The following MACROD1 variants were observed in gnomAD, a reference collection of about 807,000 sequenced individuals.
MACROD1 encodes ADP-ribose glycohydrolase MACROD1.
A neutral mutation model predicts 41.4 loss-of-function variants in MACROD1; 31 were observed. The observed-to-expected ratio is 0.75, with a 90% CI of 0.56 to 1.01. The LOEUF (loss-of-function observed/expected upper bound fraction) is 1.01, where lower values mean the gene tolerates loss of function less well. Among genes scored for constraint, MACROD1 ranks in the 50% least tolerant of loss-of-function variants. The probability of loss-of-function intolerance (pLI) is 0.00; values close to 1 mark genes in which losing one functional copy is unlikely to be tolerated. For missense variants in MACROD1, 473 were observed against 460.0 expected (o/e 1.03, Z -0.26); for synonymous variants, 252 against 203.4 (o/e 1.24, Z -2.03).
intron 3 of MACROD1, among the ~76,000 whole-genome samples, chr11:64,099,649 T>C (rs1481886885): frequency 6.7e-6 from 1 of 149,612 alleles, no homozygotes; most frequent in African/African-American, 2.5e-5. Context: ...GATAGGAGGA[T>C]GGATGGAGAG....
chr11:64,059,117 C>T (rs368610923), intron 3 of MACROD1, among the ~76,000 whole-genome samples: 28 of 152,290 alleles, frequency 1.8e-4, no homozygotes, highest in Middle Eastern at 3.4e-3. Flanking sequence ...GCTGAAAGGA[C>T]GGAACAGCCC....
intron 4 of MACROD1, chr11:64,001,152 C>A: frequency 2.1e-6 from 1 of 471,770 alleles, no homozygotes; most frequent in Non-Finnish European, 3.8e-6. Context: ...AGGAAACGCT[C>A]CAGCAGCCCA....
At position 64,113,417 on chromosome 11, in the gene MACROD1, C is replaced by CATGGATGG. The variant is rs71045732; in HGVS notation, c.517+37814_517+37821dup. On this transcript the variant is annotated intron_variant, in intron 3 of 10. Transcript: ENST00000255681. ...GCATGTGTGAATGGACAGGTTGATGCATGGATGGATGGATGGATGGATGGA... is the reference window on the plus strand; with the variant it reads ...GCATGTGTGAATGGACAGGTTGATGCATGGATGGATGGATGGATGGATGGATGGATGGA... Among the ~76,000 whole-genome samples, 784 of 144,804 alleles carry CATGGATGG rather than the reference C, an allele frequency of 5.4e-3. 3 individuals carry two copies. Among genetic ancestry groups the CATGGATGG allele is most frequent in the Middle Eastern group, 0.011 (3 of 270 alleles). The allele number at this position is 144,804 out of a possible 152,430, so 95.0% of individuals were successfully genotyped here.
chr11:64,000,684 G>C (rs1942809847), intron 4 of MACROD1, among the ~76,000 whole-genome samples: 1 of 130,054 alleles, frequency 7.7e-6, no homozygotes, highest in Admixed American at 7.6e-5. Context: ...AGGAACCGCC[G>C]CCCGAGCCGG....
chr11:64,082,858 G>A lies in MACROD1; in HGVS notation c.518-67577C>T, dbSNP rs577709216. ...CCACAGGGCACCAGACACCGAGGTA[G>A]GCAGGGCTGTGCCTGCTCCAGCCCA... On this transcript the variant is annotated intron_variant, in intron 3 of 10. Coordinates refer to ENST00000255681, the MANE Select transcript of MACROD1 (RefSeq NM_014067.4). This position sits in a 1 kb window ranked among gnomAD's most constrained non-coding sequence, Gnocchi z 4.5. 4 of 152,552 alleles carry A rather than the reference G, an allele frequency of 2.6e-5. No homozygotes were observed. The South Asian group carries it at 6.2e-4, about 24-fold the overall frequency. 9.4% of individuals were successfully genotyped at this position (152,552 alleles called of 1,614,324 possible).
At chr11:64,153,954 GC>G (rs1269605792) in intron 1 of MACROD1, among the ~76,000 whole-genome samples, 20 of 151,640 alleles carry the variant, frequency 1.3e-4, no homozygotes, top group Non-Finnish European at 2.9e-4. Context: ...CCCTGCAGCT[GC>G]CCCCTCCTCT....
At chr11:64,039,453 G>A (rs1943444588) in intron 3 of MACROD1, among the ~76,000 whole-genome samples, 1 of 152,208 alleles carries the variant, frequency 6.6e-6, no homozygotes, top group Admixed American at 6.5e-5. Context: ...GTGTTGTTCT[G>A]CCGGAGACAA....
Position 64,090,348 on chromosome 11 carries a change from A to G in MACROD1, c.517+60891T>C, listed in dbSNP as rs1362445687. On this transcript the variant is annotated intron_variant, in intron 3 of 10. Coordinates refer to ENST00000255681, the MANE Select transcript of MACROD1 (RefSeq NM_014067.4). This position sits in a 1 kb window ranked among gnomAD's most constrained non-coding sequence, Gnocchi z 4.7. ...ATCGTCTCGTTTCTTAGTGGGTAGG[A>G]AAGCCACAAATAAGTAAACTCAGGC... Among the ~76,000 whole-genome samples, 1 of 152,224 alleles carries G rather than the reference A, an allele frequency of 6.6e-6. No homozygotes were observed. Among genetic ancestry groups the G allele is most frequent in the Non-Finnish European group, 1.5e-5 (1 of 68,038 alleles).
intron 3 of MACROD1, among the ~76,000 whole-genome samples, chr11:64,051,632 G>C (rs1156612644): frequency 6.6e-6 from 1 of 152,220 alleles, no homozygotes; most frequent in African/African-American, 2.4e-5. Context: ...GCGGGCAGTG[G>C]GCTGGTGGCA....
chr11:64,015,834 C>A (rs368099980), intron 3 of MACROD1, among the ~76,000 whole-genome samples: 5 of 131,412 alleles, frequency 3.8e-5, no homozygotes, highest in Admixed American at 1.5e-4. Context: ...GGGGCAGGGG[C>A]GGGGGCGTCC....
chr11:64,123,426 G>A (rs1041593867), intron 3 of MACROD1, among the ~76,000 whole-genome samples: 2 of 152,054 alleles, frequency 1.3e-5, no homozygotes, highest in African/African-American at 4.8e-5. Flanking sequence ...AATTGATTAG[G>A]AGAGATTAAA....
Position 64,010,042 on chromosome 11 carries a change from TTGGGGTGTTGGC to T in MACROD1, c.547+5198_547+5209del, listed in dbSNP as rs542851320. On this transcript the variant is annotated intron_variant, in intron 4 of 10. Coordinates refer to ENST00000255681, the MANE Select transcript of MACROD1 (RefSeq NM_014067.4). ...GTTGGGGTGTTGGCTGGGTTGTTGG[TTGGGGTGTTGGC>T]TGGGGTGTTGGCTGGGGTGTTGCCC... Among the ~76,000 whole-genome samples the T allele has an allele frequency of 2.0e-3, 262 of 133,404 alleles. 3 individuals are homozygous for T. The East Asian group carries it at 0.039, about 20-fold the overall frequency. 87.5% of individuals were successfully genotyped at this position (133,404 alleles called of 152,430 possible).
At position 64,166,014 on chromosome 11, in the gene MACROD1, G is replaced by A. The variant is rs1945839797; in HGVS notation, c.-20C>T. On this transcript the variant is annotated 5_prime_UTR_variant, in exon 1 of 11. Transcript: ENST00000255681. The stretch of plus-strand genomic sequence containing the variant: ...AGACATGAGCGGGCGGCGCGGGACG[G>A]CTCTCCGCCCACTTGGACTCTATTT... 8 of 1,256,092 alleles carry A rather than the reference G, an allele frequency of 6.4e-6. No homozygotes were observed. Among genetic ancestry groups the A allele is most frequent in the African/African-American group, 3.1e-5 (2 of 64,430 alleles). 77.8% of individuals were successfully genotyped at this position (1,256,092 alleles called of 1,614,324 possible).
intron 3 of MACROD1, among the ~76,000 whole-genome samples, chr11:64,131,090 G>A (rs1291859783): frequency 1.3e-5 from 2 of 152,188 alleles, no homozygotes; most frequent in East Asian, 3.8e-4. Context: ...TTTTATTCTT[G>A]TGATGCAGGC....
At chr11:64,058,760 G>A (rs1199569663) in intron 3 of MACROD1, among the ~76,000 whole-genome samples, 1 of 152,246 alleles carries the variant, frequency 6.6e-6, no homozygotes, top group South Asian at 2.1e-4. Context: ...AGCTTCTAGG[G>A]TGGCCAGACG....
intron 3 of MACROD1, among the ~76,000 whole-genome samples, chr11:64,059,295 G>A (rs375578456): frequency 2.0e-5 from 3 of 152,162 alleles, no homozygotes; most frequent in African/African-American, 7.2e-5. Context: ...GGGTCTTGCG[G>A]GTCCTGGCTC....
chr11:64,070,800 G>T (rs539945028), intron 3 of MACROD1, among the ~76,000 whole-genome samples: 1 of 152,216 alleles, frequency 6.6e-6, no homozygotes, highest in African/African-American at 2.4e-5. Context: ...GGTGGGAGAC[G>T]AGGCGTGAAC....
At chr11:64,076,632 G>A (rs148284382) in intron 3 of MACROD1, among the ~76,000 whole-genome samples, 43 of 152,292 alleles carry the variant, frequency 2.8e-4, no homozygotes, top group Admixed American at 2.8e-3. Flanking sequence ...ATTTTCCAGA[G>A]GAGGAAGCTG....
chr11:64,150,819 C>T (rs1945563588), intron 3 of MACROD1, among the ~76,000 whole-genome samples: 1 of 152,214 alleles, frequency 6.6e-6, no homozygotes, highest in African/African-American at 2.4e-5. Context: ...GACCTCTCTG[C>T]CCCCACTATC....
Sources: allele counts gnomAD v4.1 joint callset (sites outside exome capture counted in the v4.1 genomes callset), GRCh38; gene constraint gnomAD v4.1.1; non-coding constraint Gnocchi (gnomAD v3.1); transcripts MANE v1.5; gene names NCBI Gene and HGNC (gene_info 2026-07-23, HGNC 2026-07-21).